Variants in TEAD1 observed in about 807,000 individuals in gnomAD.
TEAD1 encodes the protein transcriptional enhancer factor TEF-1.
A neutral mutation model predicts 54.9 loss-of-function variants in TEAD1; 9 were observed. That is an observed-to-expected ratio of 0.16 (90% CI 0.10 to 0.29). The LOEUF is 0.29. Ranked by LOEUF, TEAD1 falls within the 10% of genes least tolerant of loss-of-function variation. TEAD1 has a pLI of 1.00. For missense variants in TEAD1, 387 were observed against 535.9 expected (o/e 0.72, Z 2.74); for synonymous variants, 200 against 187.8 (o/e 1.07, Z -0.53).
In TEAD1 at chr11:12,883,041, C is replaced by A; in HGVS notation, c.615C>A (p.Ala205=). ...CGGCCCCAGCTCCCTCAGTCCCTGC[C>A]TGGCAAGGTCGCTCCATTGGCACAA... is the stretch of plus-strand genomic sequence containing the variant. Residue 205 remains alanine (A), a synonymous_variant, in exon 9 of 13, where the codon GCC becomes GCA. Coordinates refer to ENST00000527636, the MANE Select transcript of TEAD1 (RefSeq NM_021961.6). 6.2e-7 allele frequency: 1 copy of A among 1,614,184 alleles called. No homozygotes were observed. Among genetic ancestry groups the A allele is most frequent in the Non-Finnish European group, 8.5e-7 (1 of 1,180,040 alleles).
intron 2 of TEAD1, among the ~76,000 whole-genome samples, chr11:12,685,051 G>A (rs1943304637): frequency 6.6e-6 from 1 of 152,168 alleles, no homozygotes; most frequent in South Asian, 2.1e-4. Flanking sequence ...ACACTTCTGG[G>A]TGTGTCAATG....
Position 12,796,981 on chromosome 11 carries a change from C to T in TEAD1, c.202+32547C>T, listed in dbSNP as rs533360066. Reference sequence around the variant, plus strand: ...CAAAAAAATTAGCTGGGTGTGGTGGCGGGCACCTGTAATCCCAGCTACTGA... The same window carrying T: ...CAAAAAAATTAGCTGGGTGTGGTGGTGGGCACCTGTAATCCCAGCTACTGA... On this transcript the variant is annotated intron_variant, in intron 3 of 12. Coordinates refer to ENST00000527636, the MANE Select transcript of TEAD1 (RefSeq NM_021961.6). Among the ~76,000 whole-genome samples the T allele has an allele frequency of 5.9e-5, 9 of 152,102 alleles. No individual in the cohort carries two copies. The South Asian group carries it at 1.0e-3, about 18-fold the overall frequency.
chr11:12,697,824 A>G (rs1198918330), intron 2 of TEAD1, among the ~76,000 whole-genome samples: 1 of 152,134 alleles, frequency 6.6e-6, no homozygotes, highest in African/African-American at 2.4e-5. Flanking sequence ...GGAGTTTGAG[A>G]CCAGCCTGAT....
At chr11:12,692,835 C>G (rs918044282) in intron 2 of TEAD1, among the ~76,000 whole-genome samples, 1 of 152,234 alleles carries the variant, frequency 6.6e-6, no homozygotes, top group Non-Finnish European at 1.5e-5. Flanking sequence ...CCCAGCCATG[C>G]AGCGCCTGCC....
At chr11:12,781,327 T>C (rs1008188427) in intron 3 of TEAD1, among the ~76,000 whole-genome samples, 1 of 152,080 alleles carries the variant, frequency 6.6e-6, no homozygotes, top group Non-Finnish European at 1.5e-5. Flanking sequence ...TAGAGAAAAT[T>C]CATGAAAATT....
rs181305146 is a variant in TEAD1, at chr11:12,696,735, G to T, written c.-55+21174G>T. 2.0e-5 allele frequency among the ~76,000 whole-genome samples: 3 copies of T among 152,014 alleles called. No homozygotes were observed. The East Asian group carries it at 5.8e-4, about 29-fold the overall frequency. On this transcript the variant is annotated intron_variant, in intron 2 of 12. Coordinates refer to ENST00000527636, the MANE Select transcript of TEAD1 (RefSeq NM_021961.6). ...TAGTTTGTTGGGAAATACACCCTGC[G>T]TGCTGTCCTAGGGAGGCCCCGTTCA...
At chr11:12,800,608 C>T (rs183240423) in intron 3 of TEAD1, among the ~76,000 whole-genome samples, 8 of 152,272 alleles carry the variant, frequency 5.3e-5, no homozygotes, top group Admixed American at 1.3e-4. Flanking sequence ...TCCTCCTGAC[C>T]GCTGTACTTA....
intron 10 of TEAD1, among the ~76,000 whole-genome samples, chr11:12,910,309 A>G (rs1443009422): frequency 6.6e-6 from 1 of 152,240 alleles, no homozygotes; most frequent in Non-Finnish European, 1.5e-5. Flanking sequence ...TGCAATTGAG[A>G]CTAATACCTT....
At chr11:12,801,202 G>T (rs1946052615) in intron 3 of TEAD1, among the ~76,000 whole-genome samples, 1 of 152,176 alleles carries the variant, frequency 6.6e-6, no homozygotes, top group Non-Finnish European at 1.5e-5. Flanking sequence ...ATTGGGGCTG[G>T]ATTTGAAAAT....
At chr11:12,752,902 G>A (rs111962911) in intron 2 of TEAD1, among the ~76,000 whole-genome samples, 6 of 151,408 alleles carry the variant, frequency 4.0e-5, no homozygotes, top group African/African-American at 1.5e-4. Flanking sequence ...GTGCGGTGGC[G>A]TGATCACAGC....
chr11:12,714,460 A>G (rs758664825), intron 2 of TEAD1, among the ~76,000 whole-genome samples: 109 of 152,004 alleles, frequency 7.2e-4, no homozygotes, highest in Non-Finnish European at 1.8e-4. Context: ...GGTGGACCAC[A>G]CCTGGCTAAT....
intron 9 of TEAD1, among the ~76,000 whole-genome samples, chr11:12,901,261 G>A (rs1057319740): frequency 6.6e-6 from 1 of 152,166 alleles, no homozygotes; most frequent in Admixed American, 6.5e-5. Context: ...ATGTGGTTTA[G>A]AGTTTTTTGT....
intron 2 of TEAD1, among the ~76,000 whole-genome samples, chr11:12,737,234 TCA>T (rs1944554131): frequency 1.3e-5 from 2 of 152,072 alleles, no homozygotes; most frequent in South Asian, 4.2e-4. Flanking sequence ...TTAAAACTTC[TCA>T]GAGTCAGACT....
At chr11:12,790,779 G>A (rs1945784348) in intron 3 of TEAD1, among the ~76,000 whole-genome samples, 1 of 152,180 alleles carries the variant, frequency 6.6e-6, no homozygotes, top group African/African-American at 2.4e-5. Context: ...CTTAACATTA[G>A]CCATTAGGGA....
intron 3 of TEAD1, among the ~76,000 whole-genome samples, chr11:12,857,412 C>T (rs999000548): frequency 5.3e-5 from 8 of 152,182 alleles, no homozygotes; most frequent in Admixed American, 1.3e-4. Flanking sequence ...CTTTATATCT[C>T]TCTCTGACTC....
chr11:12,694,436 G>T (rs898396319), intron 2 of TEAD1, among the ~76,000 whole-genome samples: 3 of 150,044 alleles, frequency 2.0e-5, no homozygotes, highest in Non-Finnish European at 3.0e-5. Flanking sequence ...AGTGTTTCAC[G>T]CCAGTCTTCC....
At chr11:12,817,394 G>A (rs1946438033) in intron 3 of TEAD1, among the ~76,000 whole-genome samples, 1 of 152,220 alleles carries the variant, frequency 6.6e-6, no homozygotes, top group South Asian at 2.1e-4. Context: ...AGACTGGCAT[G>A]TACCTAATTC....
chr11:12,828,546 C>T (rs776339143), intron 3 of TEAD1, among the ~76,000 whole-genome samples: 1 of 151,882 alleles, frequency 6.6e-6, no homozygotes, highest in Non-Finnish European at 1.5e-5. Context: ...CTCTTGTTTG[C>T]TGAACCTTGG....
intron 12 of TEAD1, among the ~76,000 whole-genome samples, chr11:12,935,479 AG>A (rs923113744): frequency 1.2e-4 from 16 of 137,674 alleles, no homozygotes; most frequent in African/African-American, 4.6e-4. Flanking sequence ...TTTATTTTTG[AG>A]GTAGAGTCTT....
Sources: allele counts gnomAD v4.1 joint callset (sites outside exome capture counted in the v4.1 genomes callset), GRCh38; gene constraint gnomAD v4.1.1; transcripts MANE v1.5; gene names NCBI Gene and HGNC (gene_info 2026-07-23, HGNC 2026-07-21).